Variants in STARD9 observed in about 807,000 individuals in gnomAD.
STARD9 encodes stAR-related lipid transfer protein 9.
A neutral mutation model predicts 399.8 loss-of-function variants in STARD9; 346 were observed. The observed-to-expected ratio is 0.87, with a 90% CI of 0.79 to 0.95. The LOEUF (loss-of-function observed/expected upper bound fraction) is 0.95. STARD9 is among the 40% of genes least tolerant of loss of function. The pLI is 0.00. For missense variants in STARD9, 5,832 were observed against 5,667.5 expected, an observed-to-expected ratio of 1.03 and a Z score of -0.93; for synonymous variants, 2,203 against 2,143.5, an observed-to-expected ratio of 1.03 and a Z score of -0.77.
Position 42,686,638 on chromosome 15 carries a change from G to T in STARD9, c.5060G>T (p.Ser1687Ile). The T allele has an allele frequency of 6.5e-7, 1 of 1,537,306 alleles. No individual in the cohort carries two copies. The highest frequency in any genetic ancestry group is 8.7e-7 in the Non-Finnish European group (1 of 1,146,946). Residue 1687 changes from serine (S) to isoleucine (I), a missense_variant, in exon 23 of 33, where the codon AGT (serine) becomes ATT (isoleucine). This residue lies in a region of STARD9 where 5,828 missense variants were observed against 5,651.1 expected (regional missense o/e 1.03). Transcript: ENST00000290607. ...KNSAVQPGQL[S>I]PDSHYPLEEE... is the part of the protein sequence containing the mutation. ...AGTGCAGTCCAGCCAGGGCAATTAA[G>T]TCCCGACAGCCACTACCCACTAGAG...
chr15:42,685,519 A>G lies in STARD9; in HGVS notation c.3941A>G (p.Tyr1314Cys). The change falls in exon 23 of 33, where the codon TAC becomes TGC. Residue 1314 changes from tyrosine (Y) to cysteine (C), a missense_variant. Coordinates refer to ENST00000290607, the MANE Select transcript of STARD9 (RefSeq NM_020759.3). Reference protein sequence around the residue: ...EQAESQVEPSYSEQADSLQGM... With the variant: ...EQAESQVEPSCSEQADSLQGM... ...GCTGAATCACAGGTAGAGCCAAGCT[A>G]CTCTGAACAAGCCGACTCTCTCCAA... is the stretch of plus-strand genomic sequence containing the variant. 4 of 1,537,240 alleles carry G rather than the reference A, an allele frequency of 2.6e-6. No individual in the cohort carries two copies. The highest frequency in any genetic ancestry group is 3.5e-6 in the Non-Finnish European group (4 of 1,146,914).
chr15:42,607,194 CTTTTTTTTTTT>C (rs763484090), intron 3 of STARD9, among the ~76,000 whole-genome samples: 3 of 39,266 alleles, frequency 7.6e-5, no homozygotes, highest in East Asian at 1.1e-3. Context: ...TTTTCTGGTG[CTTTTTTTTTTT>C]TTTTTTTTTT....
Position 42,684,647 on chromosome 15 carries a change from G to T in STARD9, c.3069G>T (p.Lys1023Asn). Residue 1023 changes from lysine to asparagine, a missense_variant, in exon 23 of 33, where the codon AAG becomes AAT. Physicochemically the swap from Lys to Asn is moderately conservative, Grantham distance 94. Coordinates refer to ENST00000290607, the MANE Select transcript of STARD9 (RefSeq NM_020759.3). ...CCAGGCAGACTGCTGGGCACGGAAA[G>T]GCAGTCAAGACTTTTTGGACAGAAT... ...HGPRQTAGHGKAVKTFWTEYK... is the reference protein window; with the variant it reads ...HGPRQTAGHGNAVKTFWTEYK... 2 of 1,537,156 alleles carry T rather than the reference G, an allele frequency of 1.3e-6. No homozygotes were observed. The highest frequency in any genetic ancestry group is 1.7e-6 in the Non-Finnish European group (2 of 1,146,888).
Position 42,684,167 on chromosome 15 carries a change from T to A in STARD9, c.2589T>A (p.Pro863=). Residue 863 remains proline, a synonymous_variant, in exon 23 of 33, where the codon CCT becomes CCA. Transcript: ENST00000290607. ...PSTTLPPRPD[P]THQTSEKTSS... ...CCACATTGCCACCTAGGCCTGACCCTACACACCAAACATCAGAGAAAACAT... is the reference window on the plus strand; with the variant it reads ...CCACATTGCCACCTAGGCCTGACCCAACACACCAAACATCAGAGAAAACAT... The A allele has an allele frequency of 2.0e-6, 3 of 1,537,168 alleles. No individual in the cohort carries two copies. The highest frequency in any genetic ancestry group is 3.9e-5 in the Admixed American group (2 of 50,988).
rs1012062185 is a variant in STARD9 at position 42,608,860 on chromosome 15, A to G, written c.234+23223A>G. Among the ~76,000 whole-genome samples the G allele has an allele frequency of 2.0e-5, 3 of 152,214 alleles. No homozygotes were observed. In the East Asian group the frequency reaches 5.8e-4, roughly 29 times the overall value. On this transcript the variant is annotated intron_variant, in intron 3 of 32. Coordinates refer to ENST00000290607, the MANE Select transcript of STARD9 (RefSeq NM_020759.3). ...GAAACCTAAAGAACAGCTATAATTT[A>G]ATTTTAGTCAACACTCATTTATTGT...
chr15:42,633,466 T>C (rs1299370621), intron 3 of STARD9, among the ~76,000 whole-genome samples: 1 of 152,158 alleles, frequency 6.6e-6, no homozygotes, highest in Non-Finnish European at 1.5e-5. Context: ...CAGAATCATC[T>C]GATTTGAGCA....
chr15:42,677,280 A>G (rs2060330624), intron 20 of STARD9, among the ~76,000 whole-genome samples: 1 of 152,072 alleles, frequency 6.6e-6, no homozygotes, highest in African/African-American at 2.4e-5. Context: ...AGAAAAACAA[A>G]CAATGCTGTG....
chr15:42,593,414 A>G (rs543432349), intron 3 of STARD9, among the ~76,000 whole-genome samples: 1 of 152,336 alleles, frequency 6.6e-6, no homozygotes, highest in South Asian at 2.1e-4. Flanking sequence ...AAACAAATGC[A>G]GACTGAGTCA....
At chr15:42,696,144 CTGTT>C (rs1186017957) in intron 26 of STARD9, among the ~76,000 whole-genome samples, 2 of 152,238 alleles carry the variant, frequency 1.3e-5, no homozygotes, top group Non-Finnish European at 2.9e-5. Context: ...TGTCCTTAGA[CTGTT>C]TGAGGGATAA....
intron 1 of STARD9, chr15:42,581,497 A>T (rs1339681034): frequency 2.0e-6 from 3 of 1,487,684 alleles, no homozygotes; most frequent in African/African-American, 1.4e-5. Context: ...ATGGCTGTGG[A>T]CGCGGGCTCT....
intron 26 of STARD9, among the ~76,000 whole-genome samples, chr15:42,701,430 C>T (rs980394121): frequency 2.0e-5 from 3 of 152,072 alleles, no homozygotes; most frequent in African/African-American, 4.8e-5. Context: ...CCGTGTTTTA[C>T]GGTTTTCGTT....
At chr15:42,598,909 GT>G (rs764776720) in intron 3 of STARD9, among the ~76,000 whole-genome samples, 2 of 151,630 alleles carry the variant, frequency 1.3e-5, no homozygotes, top group African/African-American at 4.8e-5. Flanking sequence ...TGGGGTCTCT[GT>G]TTTTTTTGTT....
Position 42,688,582 on chromosome 15 carries a change from T to C in STARD9, c.7004T>C (p.Leu2335Ser). The change falls in exon 23 of 33, where the codon TTG becomes TCG. Residue 2335 changes from leucine (L) to serine (S), a missense_variant. Transcript: ENST00000290607. ...CTTCACCAAGACCTGAGTAATACCT[T>C]GCCCTTGAATTCTCCAAGGTGGCCA... The part of the protein sequence containing the change: ...APLHQDLSNT[L>S]PLNSPRWPRR... The C allele has an allele frequency of 6.5e-7, 1 of 1,537,664 alleles. No individual in the cohort carries two copies. Among genetic ancestry groups the C allele is most frequent in the Non-Finnish European group, 8.7e-7 (1 of 1,147,026 alleles).
chr15:42,640,003 A>T lies in STARD9; in HGVS notation c.559+1191A>T, dbSNP rs1230126579. ...AGTGATGCAAACATAGCTCACTGCA[A>T]CCTGAACTCCTGGGCTCAAGTGATC... On this transcript the variant is annotated intron_variant, in intron 7 of 32. Coordinates refer to ENST00000290607, the MANE Select transcript of STARD9 (RefSeq NM_020759.3). 2.0e-5 allele frequency among the ~76,000 whole-genome samples: 3 copies of T among 152,182 alleles called. No homozygotes were observed. In the East Asian group the frequency reaches 5.8e-4, roughly 29 times the overall value.
intron 3 of STARD9, among the ~76,000 whole-genome samples, chr15:42,623,979 T>C (rs2059144523): frequency 6.6e-6 from 1 of 152,236 alleles, no homozygotes; most frequent in Admixed American, 6.5e-5. Flanking sequence ...TAGATGCATC[T>C]ATAAACATTT....
intron 20 of STARD9, among the ~76,000 whole-genome samples, chr15:42,679,590 A>C (rs1320007347): frequency 6.6e-6 from 1 of 152,056 alleles, no homozygotes; most frequent in African/African-American, 2.4e-5. Flanking sequence ...ATCTTTTACT[A>C]TCCTCCAAAG....
intron 25 of STARD9, 146 bp downstream of exon 25, chr15:42,695,469 C>T: frequency 2.3e-6 from 2 of 867,018 alleles, no homozygotes; most frequent in Non-Finnish European, 3.4e-6. Flanking sequence ...AAGCTGGGCT[C>T]ACTGTCTTTT....
chr15:42,714,809 A>T (rs1379089251), intron 26 of STARD9, among the ~76,000 whole-genome samples: 1 of 150,346 alleles, frequency 6.7e-6, no homozygotes, highest in African/African-American at 2.4e-5. Flanking sequence ...AGCATAAAGG[A>T]TCCATTTTGG....
intron 1 of STARD9, among the ~76,000 whole-genome samples, chr15:42,576,170 G>C (rs1040250145): frequency 6.6e-6 from 1 of 152,206 alleles, no homozygotes. Context: ...CTGGGTGCGC[G>C]TGGGCTTCTC....
Sources: gnomAD v4.1 joint callset for allele counts (sites outside exome capture counted in the v4.1 genomes callset) on GRCh38, gnomAD v4.1.1 for gene constraint, gnomAD v4.1.1 regional missense constraint, MANE v1.5 for transcripts, NCBI Gene and HGNC (gene_info 2026-07-23, HGNC 2026-07-21) for gene names.